KIF1B: variants seen among roughly 807,000 people sequenced by gnomAD.
KIF1B encodes kinesin family member 1B, also known as kinesin-like protein KIF1B.
In KIF1B, 76 loss-of-function variants were observed where a neutral mutation model predicts 241.9. The observed-to-expected ratio is 0.31, with a 90% CI of 0.26 to 0.38. KIF1B has a LOEUF of 0.38. Among genes scored for constraint, KIF1B ranks in the 10% least tolerant of loss-of-function variants. The pLI is 1.00. For missense variants in KIF1B, 1,622 were observed against 2,271.4 expected (o/e 0.71, Z 5.81); for synonymous variants, 750 against 796.7 (o/e 0.94, Z 0.99).
intron 1 of KIF1B, among the ~76,000 whole-genome samples, chr1:10,212,927 T>C (rs966731346): frequency 0.011 from 871 of 82,636 alleles, 12 homozygotes; most frequent in Non-Finnish European, 0.015. Flanking sequence ...TATATATATA[T>C]ATATACACAC....
chr1:10,312,858 T>C (rs1408871020), intron 22 of KIF1B, among the ~76,000 whole-genome samples: 2 of 151,504 alleles, frequency 1.3e-5, no homozygotes, highest in African/African-American at 2.5e-5. Flanking sequence ...CCTTTGTCAA[T>C]GGAACCCTTG....
chr1:10,375,462 G>A, intron 48 of KIF1B, 89 bp downstream of exon 48: 1 of 1,012,666 alleles, frequency 9.9e-7, no homozygotes, highest in Middle Eastern at 3.0e-4. Flanking sequence ...TTGGCTCACT[G>A]CAACCTCCGC....
intron 15 of KIF1B, among the ~76,000 whole-genome samples, chr1:10,287,678 T>C (rs551112358): frequency 6.6e-6 from 1 of 152,356 alleles, no homozygotes; most frequent in South Asian, 2.1e-4. Context: ...CTTCAGTTGG[T>C]AAGTAAAATT....
chr1:10,211,293 G>A (rs892523450), intron 1 of KIF1B, among the ~76,000 whole-genome samples: 2 of 152,216 alleles, frequency 1.3e-5, no homozygotes, highest in African/African-American at 2.4e-5. Context: ...GGTGGGCATC[G>A]GGCTTCGGCT....
In KIF1B at chr1:10,295,764, A is replaced by G; in HGVS notation, c.1775A>G (p.Glu592Gly). The G allele has an allele frequency of 6.2e-7, 1 of 1,612,160 alleles. No individual in the cohort carries two copies. Among genetic ancestry groups the G allele is most frequent in the Non-Finnish European group, 8.5e-7 (1 of 1,178,546 alleles). The change falls in exon 19 of 49, where the codon GAA (glutamate) becomes GGA (glycine). Residue 592 changes from glutamate to glycine, a missense_variant and splice_region_variant. Around this residue, in one of 7 missense-constraint regions of KIF1B, gnomAD observed 44 missense variants for 28.6 expected, o/e 1.54. Transcript: ENST00000676179. ...CGGAGTGAGAGAAGCAACAGCGGGG[A>G]AGGTGAGCATTCCTGGCTGGAGCTT... Reference protein sequence around the residue: ...IFRSERSNSGEVIVTLEPCER... With the variant: ...IFRSERSNSGGVIVTLEPCER...
chr1:10,212,059 T>C (rs1646700703), intron 1 of KIF1B, among the ~76,000 whole-genome samples: 1 of 152,160 alleles, frequency 6.6e-6, no homozygotes, highest in Admixed American at 6.5e-5. Flanking sequence ...TGAAATTAGA[T>C]TGTCAACAGA....
chr1:10,293,018 G>A (rs528179719), intron 17 of KIF1B, among the ~76,000 whole-genome samples: 2 of 151,658 alleles, frequency 1.3e-5, no homozygotes, highest in South Asian at 2.1e-4. Flanking sequence ...ACTTTTATGT[G>A]ATATGAAATA....
chr1:10,240,012 T>C (rs6685895), intron 2 of KIF1B, among the ~76,000 whole-genome samples: 51,201 of 151,708 alleles, frequency 0.34, 8,731 homozygotes, highest in Admixed American at 0.38. Context: ...GTGATCAGCC[T>C]GCCTCGGCCT....
intron 1 of KIF1B, among the ~76,000 whole-genome samples, chr1:10,215,138 TTATATATA>T (rs1162229178): frequency 0.18 from 10,950 of 59,374 alleles, 1,346 homozygotes; most frequent in Non-Finnish European, 0.23. Context: ...TTTATATATT[TTATATATA>T]TATATATATA....
chr1:10,241,790 G>A (rs1258481459), intron 2 of KIF1B, among the ~76,000 whole-genome samples: 1 of 152,060 alleles, frequency 6.6e-6, no homozygotes, highest in Non-Finnish European at 1.5e-5. Flanking sequence ...ACTCTCAAGA[G>A]GTGTTTTGGA....
intron 1 of KIF1B, among the ~76,000 whole-genome samples, chr1:10,217,644 A>G (rs1451646494): frequency 6.6e-6 from 1 of 151,812 alleles, no homozygotes; most frequent in Admixed American, 6.6e-5. Flanking sequence ...TGCCTGGAAT[A>G]CTTTTCCCCT....
At chr1:10,344,825 T>C (rs1261802890) in intron 34 of KIF1B, 1 of 152,198 alleles carries the variant, frequency 6.6e-6, no homozygotes, top group Non-Finnish European at 1.5e-5. Flanking sequence ...CTACAGTTTA[T>C]AAATGAGGAG....
chr1:10,333,428 AC>A lies in KIF1B; in HGVS notation c.2925-1091del, dbSNP rs1383080031. 2.6e-5 allele frequency among the ~76,000 whole-genome samples: 4 copies of A among 152,276 alleles called. No individual in the cohort carries two copies. In the East Asian group the frequency reaches 7.7e-4, roughly 29 times the overall value. ...ACCCATAGGCCAGGCGCGGTGGCTC[AC>A]GCCTGTAATCCCAGCACTTTGGAAG... On this transcript the variant is annotated intron_variant, in intron 27 of 48. Transcript: ENST00000676179.
At chr1:10,367,388 A>G (rs929193405) in intron 43 of KIF1B, among the ~76,000 whole-genome samples, 2 of 151,608 alleles carry the variant, frequency 1.3e-5, no homozygotes, top group Non-Finnish European at 2.9e-5. Flanking sequence ...GTGGACGCCC[A>G]GCCAGATAAA....
chr1:10,257,864 A>T (rs1019697327), intron 3 of KIF1B, among the ~76,000 whole-genome samples: 2 of 151,662 alleles, frequency 1.3e-5, no homozygotes, highest in African/African-American at 4.8e-5. Context: ...TTTAGTAGAG[A>T]TGGGGTTTCG....
At position 10,268,765 on chromosome 1, in the gene KIF1B, A is replaced by G. The variant is rs542916430; in HGVS notation, c.720+502A>G. 1.3e-3 allele frequency among the ~76,000 whole-genome samples: 197 copies of G among 151,106 alleles called. 1 individual carries two copies. Among genetic ancestry groups the G allele is most frequent in the African/African-American group, 4.6e-3 (190 of 41,116 alleles). ...ACCTTTCTTTGCTTATTGATTTTTC[A>G]TTTTCTATAGTGGTTAAATGTCACA... On this transcript the variant is annotated intron_variant, in intron 7 of 48. Transcript: ENST00000676179.
At chr1:10,299,506 G>T (rs1026503266) in intron 22 of KIF1B, among the ~76,000 whole-genome samples, 1 of 152,102 alleles carries the variant, frequency 6.6e-6, no homozygotes, top group Non-Finnish European at 1.5e-5. Flanking sequence ...ATATTACCCT[G>T]TATTGGTCAA....
chr1:10,272,888 G>T (rs1020328117), intron 9 of KIF1B, 126 bp from the exon 10 acceptor site: 2 of 731,976 alleles, frequency 2.7e-6, no homozygotes, highest in African/African-American at 1.8e-5. Context: ...TAAGAAGAAT[G>T]AAATGCTTTC....
At chr1:10,314,111 C>T (rs890580645) in intron 22 of KIF1B, among the ~76,000 whole-genome samples, 2 of 150,712 alleles carry the variant, frequency 1.3e-5, no homozygotes, top group South Asian at 2.1e-4. Flanking sequence ...AGGCTGGTCT[C>T]GAACTCCTAA....
Sources: allele counts gnomAD v4.1 joint callset (sites outside exome capture counted in the v4.1 genomes callset), GRCh38; gene constraint gnomAD v4.1.1; regional missense constraint gnomAD v4.1.1; transcripts MANE v1.5; gene names NCBI Gene and HGNC (gene_info 2026-07-23, HGNC 2026-07-21).